Variants in DOCK3 observed in about 807,000 individuals in gnomAD.
DOCK3 encodes the protein dedicator of cytokinesis 3.
Under a neutral mutation model 265.6 loss-of-function variants are expected in DOCK3, and 60 were observed. The ratio of observed to expected loss-of-function variants is 0.23; its 90% confidence interval spans 0.18 to 0.28. The LOEUF (loss-of-function observed/expected upper bound fraction) is 0.28, where lower values mean the gene tolerates loss of function less well. Ranked by LOEUF, DOCK3 falls within the 10% of genes least tolerant of loss-of-function variation. The pLI, the probability that DOCK3 is intolerant of heterozygous loss-of-function variation, is 1.00. For synonymous variants in DOCK3, 881 were observed against 938.0 expected (o/e 0.94, Z 1.11); for missense variants, 1,981 against 2,594.3 (o/e 0.76, Z 5.14).
chr3:51,072,871 A>G (rs918238751), intron 6 of DOCK3, among the ~76,000 whole-genome samples: 4 of 149,894 alleles, frequency 2.7e-5, no homozygotes, highest in Admixed American at 2.0e-4. Context: ...CAACCTGGCT[A>G]ATTTTTTTTT....
chr3:50,819,380 A>AT (rs1365176231), intron 2 of DOCK3, among the ~76,000 whole-genome samples: 1 of 152,206 alleles, frequency 6.6e-6, no homozygotes, highest in Admixed American at 6.5e-5. Flanking sequence ...TATAAATCTG[A>AT]TTTTTTTCTG....
chr3:51,225,144 C>T (rs1447464883), intron 14 of DOCK3, among the ~76,000 whole-genome samples: 1 of 152,036 alleles, frequency 6.6e-6, no homozygotes, highest in Non-Finnish European at 1.5e-5. Context: ...ACAAAGCCTC[C>T]AGGAGGAAGG....
In DOCK3 at chr3:51,359,997, A is replaced by G. The variant is rs2086615921; in HGVS notation, c.4885-514A>G. The stretch of plus-strand genomic sequence containing the variant: ...AATTAAGCTAAAATAGAGCTGTGCT[A>G]TTTTTCAGTTACATACATCAGGATT... On this transcript the variant is annotated intron_variant, in intron 46 of 52. Coordinates refer to ENST00000266037, the MANE Select transcript of DOCK3 (RefSeq NM_004947.5). The surrounding 1 kb of genome is among the most constrained non-coding windows in gnomAD (Gnocchi z 4.8). Among the ~76,000 whole-genome samples, 3 of 152,288 alleles carry G rather than the reference A, an allele frequency of 2.0e-5. No homozygotes were observed. The highest frequency in any genetic ancestry group is 3.9e-4 in the East Asian group (2 of 5,178).
chr3:51,344,434 A>T (rs1450090006), intron 38 of DOCK3, among the ~76,000 whole-genome samples: 1 of 152,238 alleles, frequency 6.6e-6, no homozygotes, highest in African/African-American at 2.4e-5. Context: ...CAGCTGGCCA[A>T]CATGGTGAAA....
intron 5 of DOCK3, among the ~76,000 whole-genome samples, chr3:51,062,048 AC>A (rs2081429887): frequency 6.6e-6 from 1 of 152,098 alleles, no homozygotes; most frequent in Non-Finnish European, 1.5e-5. Flanking sequence ...CAGCATTCTT[AC>A]CTTCATCCAA....
intron 5 of DOCK3, among the ~76,000 whole-genome samples, chr3:51,038,082 G>A (rs1170540990): frequency 1.3e-5 from 2 of 152,094 alleles, no homozygotes; most frequent in African/African-American, 4.8e-5. Context: ...CTTTTACCAC[G>A]ATTTTTGCAA....
intron 2 of DOCK3, among the ~76,000 whole-genome samples, chr3:50,799,532 G>T: frequency 6.6e-6 from 1 of 151,938 alleles, no homozygotes; most frequent in Middle Eastern, 3.4e-3. Context: ...GTATAGAAGT[G>T]ATACTGATTT....
At chr3:50,957,998 G>A (rs976933155) in intron 5 of DOCK3, among the ~76,000 whole-genome samples, 29 of 151,852 alleles carry the variant, frequency 1.9e-4, no homozygotes, top group Non-Finnish European at 1.0e-4. Context: ...GTTTCTTTCT[G>A]TAGATTGCTC....
At chr3:51,237,060 T>G (rs1038973118) in intron 20 of DOCK3, among the ~76,000 whole-genome samples, 6 of 152,214 alleles carry the variant, frequency 3.9e-5, no homozygotes, top group African/African-American at 1.2e-4. Flanking sequence ...CTAATTTGCC[T>G]GTCCACCAGC....
intron 22 of DOCK3, among the ~76,000 whole-genome samples, chr3:51,251,955 G>A (rs1334574575): frequency 2.6e-5 from 4 of 152,146 alleles, no homozygotes; most frequent in Admixed American, 2.6e-4. Flanking sequence ...GTCCTGAATG[G>A]TATTGCCTAG....
intron 3 of DOCK3, among the ~76,000 whole-genome samples, chr3:50,854,184 G>A (rs1381809425): frequency 6.6e-6 from 1 of 151,914 alleles, no homozygotes. Flanking sequence ...GTTGATTTAA[G>A]TTCCTTATAG....
chr3:50,779,461 G>A (rs978057361), intron 2 of DOCK3, among the ~76,000 whole-genome samples: 3 of 151,976 alleles, frequency 2.0e-5, no homozygotes, highest in Non-Finnish European at 4.4e-5. Context: ...TCAGCTCACT[G>A]CAACCTCTGC....
chr3:51,337,088 A>G lies in DOCK3; in HGVS notation c.3612-1271A>G, dbSNP rs533487048. Among the ~76,000 whole-genome samples the G allele has an allele frequency of 2.0e-5, 3 of 152,304 alleles. No homozygotes were observed. In the East Asian group the frequency reaches 5.8e-4, roughly 29 times the overall value. ...GTTCAGGACCCTCATGTCTGGCTAC[A>G]TAGGAACCAAATATCTTACGTGGTG... On this transcript the variant is annotated intron_variant, in intron 35 of 52. Transcript: ENST00000266037.
At chr3:50,867,161 T>G (rs1323236796) in intron 3 of DOCK3, among the ~76,000 whole-genome samples, 1 of 152,204 alleles carries the variant, frequency 6.6e-6, no homozygotes, top group Non-Finnish European at 1.5e-5. Flanking sequence ...TTTGGTTACC[T>G]CATAGATTTA....
At chr3:50,869,913 A>G (rs1486365190) in intron 3 of DOCK3, among the ~76,000 whole-genome samples, 3 of 152,166 alleles carry the variant, frequency 2.0e-5, no homozygotes, top group African/African-American at 7.2e-5. Flanking sequence ...TTTTATCTGC[A>G]TACATTTGTA....
chr3:50,935,398 A>G (rs2051302951), intron 5 of DOCK3, among the ~76,000 whole-genome samples: 1 of 152,192 alleles, frequency 6.6e-6, no homozygotes, highest in South Asian at 2.1e-4. Context: ...GGAAAAATGT[A>G]GGGGTGGGTG....
At chr3:50,944,494 G>A (rs182120594) in intron 5 of DOCK3, among the ~76,000 whole-genome samples, 2 of 152,176 alleles carry the variant, frequency 1.3e-5, no homozygotes, top group South Asian at 2.1e-4. Flanking sequence ...CACACTGGAG[G>A]TCATGCAAAG....
chr3:51,362,449 T>C (rs1414637970), intron 48 of DOCK3, 78 bp from the exon 49 acceptor site: 3 of 1,589,444 alleles, frequency 1.9e-6, no homozygotes, highest in South Asian at 2.3e-5. Flanking sequence ...CCTCAGGGCA[T>C]GAAAAAGCAA....
intron 51 of DOCK3, among the ~76,000 whole-genome samples, chr3:51,377,303 G>A (rs986208339): frequency 4.6e-5 from 7 of 152,260 alleles, no homozygotes; most frequent in South Asian, 2.1e-4. Context: ...TTGCCCAGTG[G>A]CAACACACAG....
Sources: allele counts gnomAD v4.1 joint callset (sites outside exome capture counted in the v4.1 genomes callset), GRCh38; gene constraint gnomAD v4.1.1; non-coding constraint Gnocchi (gnomAD v3.1); transcripts MANE v1.5; gene names NCBI Gene and HGNC (gene_info 2026-07-23, HGNC 2026-07-21).